Variants in RANBP17 observed in about 807,000 individuals in gnomAD.
RANBP17 encodes RAN binding protein 17.
A neutral mutation model predicts 141.2 loss-of-function variants in RANBP17; 158 were observed. The ratio of observed to expected loss-of-function variants is 1.12; its 90% confidence interval spans 0.98 to 1.28. The LOEUF is 1.28. Ranked by LOEUF, RANBP17 falls within the 50% of genes most tolerant of loss-of-function variation. The pLI, the probability that RANBP17 is intolerant of heterozygous loss-of-function variation, is 0.00. For missense variants in RANBP17, 1,438 were observed against 1,290.7 expected, an observed-to-expected ratio of 1.11 and a Z score of -1.75; for synonymous variants, 430 against 450.0, an observed-to-expected ratio of 0.96 and a Z score of 0.56.
At chr5:171,155,424 T>C (rs950812177) in intron 14 of RANBP17, among the ~76,000 whole-genome samples, 12 of 152,070 alleles carry the variant, frequency 7.9e-5, no homozygotes, top group South Asian at 2.1e-4. Flanking sequence ...AAGGCAATGA[T>C]GATTTCAGCA....
chr5:170,933,020 G>A (rs1216639911), intron 12 of RANBP17, among the ~76,000 whole-genome samples: 4 of 152,200 alleles, frequency 2.6e-5, no homozygotes, highest in South Asian at 2.1e-4. Context: ...GGTAGAATTC[G>A]GCTGTGAATC....
At chr5:171,179,271 A>G (rs185642278) in intron 16 of RANBP17, among the ~76,000 whole-genome samples, 68 of 152,234 alleles carry the variant, frequency 4.5e-4, no homozygotes, top group African/African-American at 1.5e-3. Flanking sequence ...TTTTTGGCCT[A>G]TATAGTCTCC....
chr5:171,252,326 T>C, intron 24 of RANBP17: 1 of 1,543,600 alleles, frequency 6.5e-7, no homozygotes, highest in Non-Finnish European at 8.9e-7. Flanking sequence ...CCAATGCGGG[T>C]TCATGAGATT....
At chr5:170,894,204 T>G (rs943270075) in intron 4 of RANBP17, among the ~76,000 whole-genome samples, 1 of 152,146 alleles carries the variant, frequency 6.6e-6, no homozygotes, top group African/African-American at 2.4e-5. Context: ...GCAAGCACAG[T>G]AGCATCCCCC....
chr5:171,001,041 G>C (rs1268106354), intron 14 of RANBP17, among the ~76,000 whole-genome samples: 1 of 152,114 alleles, frequency 6.6e-6, no homozygotes, highest in African/African-American at 2.4e-5. Context: ...TGACATTCCT[G>C]TCTTCTTATA....
intron 14 of RANBP17, among the ~76,000 whole-genome samples, chr5:171,034,018 A>AGGAGGATCATTTGAGCCCAGGAGTT (rs1781715017): frequency 6.6e-6 from 1 of 152,190 alleles, no homozygotes; most frequent in Non-Finnish European, 1.5e-5. Flanking sequence ...AGACTGAAAC[A>AGGAGGATCATTTGAGCCCAGGAGTT]GGAGGATCAT....
intron 13 of RANBP17, among the ~76,000 whole-genome samples, chr5:170,956,200 C>G (rs1775679328): frequency 6.6e-6 from 1 of 151,684 alleles, no homozygotes; most frequent in African/African-American, 2.4e-5. Context: ...TTTTTTCAGG[C>G]CTTTCATACT....
At chr5:171,232,614 A>G (rs959119096) in intron 22 of RANBP17, among the ~76,000 whole-genome samples, 2 of 152,206 alleles carry the variant, frequency 1.3e-5, no homozygotes, top group African/African-American at 4.8e-5. Context: ...GGTACAGGAA[A>G]AGAAAACCCC....
chr5:171,132,006 T>C (rs567841125), intron 14 of RANBP17, among the ~76,000 whole-genome samples: 13 of 152,204 alleles, frequency 8.5e-5, no homozygotes, highest in Non-Finnish European at 1.9e-4. Flanking sequence ...ATAATCCAGA[T>C]GATAAACACA....
chr5:171,063,446 G>A (rs1784059363), intron 14 of RANBP17, among the ~76,000 whole-genome samples: 1 of 152,348 alleles, frequency 6.6e-6, no homozygotes, highest in South Asian at 2.1e-4. Flanking sequence ...GCTTGCCTGG[G>A]TATCAGCAGC....
rs552635507 is a variant in RANBP17, at chr5:171,249,317, G to A, written c.2776+6497G>A. Among the ~76,000 whole-genome samples the A allele has an allele frequency of 2.0e-4, 31 of 152,208 alleles. No individual in the cohort carries two copies. The South Asian group carries it at 2.5e-3, about 12-fold the overall frequency. The stretch of plus-strand genomic sequence containing the variant: ...AAAGTAAATTCAAAAACAAGAAAAA[G>A]TGACTGTTAAACTGGATGTACAGAT... On this transcript the variant is annotated intron_variant, in intron 24 of 27. Transcript: ENST00000523189.
intron 25 of RANBP17, among the ~76,000 whole-genome samples, chr5:171,268,798 A>G (rs908117364): frequency 1.3e-5 from 2 of 152,216 alleles, no homozygotes; most frequent in Admixed American, 6.5e-5. Flanking sequence ...ACTTTGGCAG[A>G]AACTTTTAAG....
intron 25 of RANBP17, among the ~76,000 whole-genome samples, chr5:171,287,690 C>T (rs1053139656): frequency 2.6e-5 from 4 of 151,764 alleles, no homozygotes; most frequent in African/African-American, 9.7e-5. Context: ...GTCTGTCCTT[C>T]CTTCGCCTAA....
At chr5:170,938,621 G>A (rs575658746) in intron 12 of RANBP17, among the ~76,000 whole-genome samples, 2 of 152,148 alleles carry the variant, frequency 1.3e-5, no homozygotes, top group Non-Finnish European at 2.9e-5. Context: ...AAACAACCAG[G>A]AGGATATGAA....
intron 14 of RANBP17, among the ~76,000 whole-genome samples, chr5:171,067,770 T>C (rs1784396064): frequency 6.6e-6 from 1 of 152,124 alleles, no homozygotes; most frequent in Non-Finnish European, 1.5e-5. Context: ...TTATTGAGAA[T>C]CTTTGTATGT....
intron 17 of RANBP17, 27 bp from the exon 18 acceptor site, chr5:171,183,295 C>G (rs777213890): frequency 6.3e-7 from 1 of 1,586,976 alleles, no homozygotes; most frequent in African/African-American, 1.3e-5. Flanking sequence ...GTGTTAGTAA[C>G]TTGGATTACT....
At chr5:170,985,032 GAC>G (rs772084300) in intron 14 of RANBP17, among the ~76,000 whole-genome samples, 38 of 112,442 alleles carry the variant, frequency 3.4e-4, no homozygotes, top group Admixed American at 5.8e-4. Flanking sequence ...TACACACACA[GAC>G]ACACAGGCAC....
At chr5:170,890,006 T>C (rs900650939) in intron 3 of RANBP17, among the ~76,000 whole-genome samples, 2 of 152,186 alleles carry the variant, frequency 1.3e-5, no homozygotes, top group African/African-American at 4.8e-5. Flanking sequence ...TTCCCTGCCT[T>C]AGATAATGAA....
At chr5:171,256,959 C>G (rs1307265020) in intron 24 of RANBP17, among the ~76,000 whole-genome samples, 1 of 149,958 alleles carries the variant, frequency 6.7e-6, no homozygotes, top group Non-Finnish European at 1.5e-5. Flanking sequence ...CAGATGGATT[C>G]AAATCCAGAC....
Sources: gnomAD v4.1 joint callset for allele counts (sites outside exome capture counted in the v4.1 genomes callset) on GRCh38, gnomAD v4.1.1 for gene constraint, MANE v1.5 for transcripts, NCBI Gene and HGNC (gene_info 2026-07-23, HGNC 2026-07-21) for gene names.